The following ATP12A variants were observed in gnomAD, a reference collection of about 807,000 sequenced individuals.
ATP12A encodes ATPase H+/K+ transporting non-gastric alpha2 subunit.
A neutral mutation model predicts 111.2 loss-of-function variants in ATP12A; 81 were observed. The ratio of observed to expected loss-of-function variants is 0.73; its 90% CI spans 0.61 to 0.88. The LOEUF (loss-of-function observed/expected upper bound fraction) is 0.88. Ranked by LOEUF, ATP12A falls within the 40% of genes least tolerant of loss-of-function variation. The pLI, the probability that ATP12A is intolerant of heterozygous loss-of-function variation, is 0.00. For synonymous variants in ATP12A, 498 were observed against 499.8 expected (o/e 1.00, Z 0.05); for missense variants, 1,196 against 1,313.1 (o/e 0.91, Z 1.38).
At chr13:24,709,120 T>C (rs1875841730) in intron 17 of ATP12A, among the ~76,000 whole-genome samples, 2 of 151,744 alleles carry the variant, frequency 1.3e-5, no homozygotes, top group South Asian at 4.2e-4. Context: ...AGGGGAAGAG[T>C]GTTTTATAAC....
At position 24,711,675 on chromosome 13, in the gene ATP12A, C is replaced by G. The variant is rs2137727827; in HGVS notation, c.*153C>G. On this transcript the variant is annotated 3_prime_UTR_variant, in exon 23 of 23. Transcript: ENST00000381946. ...CAGAAAGCTGTATGCAGGATGCTCA[C>G]TGATGTTTTGCACTTTAAAACTGAA... 9.9e-7 allele frequency: 1 copy of G among 1,010,876 alleles called. No homozygotes were observed. The highest frequency in any genetic ancestry group is 1.5e-6 in the Non-Finnish European group (1 of 688,972). The allele number at this position is 1,010,876 out of a possible 1,614,324, so 62.6% of individuals were successfully genotyped here.
intron 12 of ATP12A, among the ~76,000 whole-genome samples, chr13:24,699,186 A>C (rs1023824937): frequency 1.3e-5 from 2 of 152,202 alleles, no homozygotes; most frequent in African/African-American, 4.8e-5. Flanking sequence ...GGCGTGGGGC[A>C]CATTGGGTGC....
intron 18 of ATP12A, 75 bp downstream of exon 18, chr13:24,709,562 G>A (rs1217403695): frequency 3.1e-6 from 5 of 1,594,906 alleles, no homozygotes; most frequent in Admixed American, 3.4e-5. Context: ...GGCACAGCCA[G>A]AAAGTGTGGT....
intron 2 of ATP12A, among the ~76,000 whole-genome samples, chr13:24,683,647 A>C (rs1442593250): frequency 6.6e-6 from 1 of 152,150 alleles, no homozygotes; most frequent in Non-Finnish European, 1.5e-5. Flanking sequence ...CTGAAACTGG[A>C]CTGACCTCAA....
intron 11 of ATP12A, among the ~76,000 whole-genome samples, chr13:24,695,362 C>G (rs547841548): frequency 1.4e-4 from 22 of 152,266 alleles, no homozygotes; most frequent in Admixed American, 2.6e-4. Flanking sequence ...GTTATCTCAG[C>G]AAGCAGGGCT....
intron 12 of ATP12A, among the ~76,000 whole-genome samples, chr13:24,700,404 G>A (rs1469664117): frequency 6.6e-6 from 1 of 152,088 alleles, no homozygotes; most frequent in East Asian, 1.9e-4. Flanking sequence ...CCAGGCAGCT[G>A]AAATGTGTCT....
At position 24,707,331 on chromosome 13, in the gene ATP12A, G is replaced by A. The variant is rs747429794; in HGVS notation, c.2391G>A (p.Lys797=). The part of the protein sequence containing the change: ...LKKTIAYSLT[K]NIAELCPFLI... Reference sequence around the variant, plus strand: ...AGACTATTGCTTATTCCCTGACCAAGAACATTGCCGAGCTGTGCCCCTTTC... The same window carrying A: ...AGACTATTGCTTATTCCCTGACCAAAAACATTGCCGAGCTGTGCCCCTTTC... Residue 797 remains lysine (K), a synonymous_variant, in exon 17 of 23, where the codon AAG becomes AAA. Coordinates refer to ENST00000381946, the MANE Select transcript of ATP12A (RefSeq NM_001676.7). 3.1e-6 allele frequency: 5 copies of A among 1,614,216 alleles called. No homozygotes were observed. Among genetic ancestry groups the A allele is most frequent in the Non-Finnish European group, 4.2e-6 (5 of 1,180,032 alleles).
Position 24,680,666 on chromosome 13 carries a change from G to GC in ATP12A, c.-72dup, listed in dbSNP as rs1377019380. On this transcript the variant is annotated 5_prime_UTR_variant, in exon 1 of 23. Transcript: ENST00000381946. The stretch of plus-strand genomic sequence containing the variant: ...ACTGCCACTGCCACAGCCACACGAG[G>GC]CCCCCCACCGTGCGCTCCGCCGCTG... 4 of 1,475,408 alleles carry GC rather than the reference G, an allele frequency of 2.7e-6. No individual in the cohort carries two copies. The Admixed American group carries it at 6.3e-5, about 23-fold the overall frequency. 91.4% of individuals were successfully genotyped at this position (1,475,408 alleles called of 1,614,324 possible). A position where few individuals can be genotyped will look rare whatever the true frequency, so the allele number is the denominator to read the frequency against.
rs1874969255 is a variant in ATP12A, at chr13:24,692,828, T to C, written c.1309T>C (p.Ser437Pro). The C allele has an allele frequency of 6.2e-7, 1 of 1,613,992 alleles. No individual in the cohort carries two copies. Among genetic ancestry groups the C allele is most frequent in the Admixed American group, 1.7e-5 (1 of 59,990 alleles). ...AAGCTCTAGGACTTGGGCCTCCTTA[T>C]CCAAGATAATAACATTGTGTAACCG... ...DQSSRTWASL[S>P]KIITLCNRAE... Residue 437 changes from serine to proline, a missense_variant, in exon 10 of 23, where the codon TCC (serine) becomes CCC (proline). Physicochemically the swap from Ser to Pro is moderately conservative, Grantham distance 74. Transcript: ENST00000381946.
At chr13:24,697,296 T>C (rs1160226) in intron 11 of ATP12A, among the ~76,000 whole-genome samples, 84,884 of 152,006 alleles carry the variant, frequency 0.56, 24,009 homozygotes, top group South Asian at 0.7. Flanking sequence ...ACGTGGTACA[T>C]ACCATAAAAG....
At chr13:24,709,970 C>T (rs779584877) in intron 19 of ATP12A, 142 bp downstream of exon 19, 63 of 1,272,288 alleles carry the variant, frequency 5.0e-5, no homozygotes, top group Non-Finnish European at 5.9e-5. Context: ...CTTGCTGACA[C>T]GTGTTTGGCC....
Position 24,709,810 on chromosome 13 carries a change from C to G in ATP12A, c.2745C>G (p.Asp915Glu). 6.2e-7 allele frequency: 1 copy of G among 1,614,222 alleles called. No individual in the cohort carries two copies. The highest frequency in any genetic ancestry group is 8.5e-7 in the Non-Finnish European group (1 of 1,180,030). The change falls in exon 19 of 23, where the codon GAC becomes GAG. Residue 915 changes from aspartate (D) to glutamate (E), a missense_variant. Physicochemically the swap from Asp to Glu is conservative, Grantham distance 45. Transcript: ENST00000381946. ...WEKDYVNDLK[D>E]SYGQEWTRYQ... Reference sequence around the variant, plus strand: ...AGGACTACGTGAATGACTTGAAAGACAGCTATGGGCAGGAATGGGTGAGTG... The same window carrying G: ...AGGACTACGTGAATGACTTGAAAGAGAGCTATGGGCAGGAATGGGTGAGTG...
rs1874395928 is a variant in ATP12A at position 24,680,691 on chromosome 13, G to A, written c.-53G>A. On this transcript the variant is annotated 5_prime_UTR_variant, in exon 1 of 23. Coordinates refer to ENST00000381946, the MANE Select transcript of ATP12A (RefSeq NM_001676.7). ...GCCCCCCACCGTGCGCTCCGCCGCT[G>A]CGGTCCCGGATCCGCGCTCCACGCC... is the stretch of plus-strand genomic sequence containing the variant. 2 of 1,500,218 alleles carry A rather than the reference G, an allele frequency of 1.3e-6. No homozygotes were observed. Among genetic ancestry groups the A allele is most frequent in the Admixed American group, 2.1e-5 (1 of 47,664 alleles). 92.9% of individuals were successfully genotyped at this position (1,500,218 alleles called of 1,614,324 possible).
At position 24,711,305 on chromosome 13, in the gene ATP12A, C is replaced by T. The variant is rs1445579769; in HGVS notation, c.3000-13C>T. The T allele has an allele frequency of 1.3e-6, 2 of 1,586,414 alleles. No individual in the cohort carries two copies. Among genetic ancestry groups the T allele is most frequent in the South Asian group, 1.1e-5 (1 of 87,640 alleles). On this transcript the variant is annotated splice_polypyrimidine_tract_variant and intron_variant, in intron 21 of 22. Transcript: ENST00000381946. ...GATGAGTCAGGGTTCACTTTCCATCCCTTTGCTTCCAGGGCTCAGTACTGG... is the reference window on the plus strand; with the variant it reads ...GATGAGTCAGGGTTCACTTTCCATCTCTTTGCTTCCAGGGCTCAGTACTGG...
At chr13:24,692,725 A>C in intron 9 of ATP12A, 62 bp from the exon 10 acceptor site, 1 of 1,599,662 alleles carries the variant, frequency 6.3e-7, no homozygotes, top group Non-Finnish European at 8.6e-7. Flanking sequence ...GGATTGCTGG[A>C]CAGTGACTCA....
At chr13:24,699,254 T>C (rs559434735) in intron 12 of ATP12A, among the ~76,000 whole-genome samples, 17 of 152,048 alleles carry the variant, frequency 1.1e-4, no homozygotes, top group Admixed American at 1.0e-3. Flanking sequence ...GGACTGGAGG[T>C]CATGAGATGG....
At chr13:24,708,838 AAGAG>A (rs1373846496) in intron 17 of ATP12A, among the ~76,000 whole-genome samples, 3 of 149,572 alleles carry the variant, frequency 2.0e-5, no homozygotes, top group Admixed American at 6.7e-5. Context: ...GAGAGAAAGA[AAGAG>A]AGAAAGAGAG....
chr13:24,684,228 A>G (rs1214353182), intron 2 of ATP12A, among the ~76,000 whole-genome samples: 1 of 152,212 alleles, frequency 6.6e-6, no homozygotes, highest in Non-Finnish European at 1.5e-5. Flanking sequence ...ATCCCCAGCA[A>G]TATCACACTC....
At chr13:24,682,059 GGT>G (rs1323986103) in intron 2 of ATP12A, among the ~76,000 whole-genome samples, 3 of 123,728 alleles carry the variant, frequency 2.4e-5, no homozygotes, top group Non-Finnish European at 3.4e-5. Flanking sequence ...GTGTGTGTAT[GGT>G]GTGTGTGTAT....
Sources: allele counts gnomAD v4.1 joint callset (sites outside exome capture counted in the v4.1 genomes callset), GRCh38; gene constraint gnomAD v4.1.1; transcripts MANE v1.5; gene names NCBI Gene and HGNC (gene_info 2026-07-23, HGNC 2026-07-21).